The following MYCT1 variants were observed in gnomAD, a reference collection of about 807,000 sequenced individuals.
MYCT1 encodes the protein MYC target 1.
MYCT1 carries 12 observed loss-of-function variants against 15.0 expected under a neutral mutation model. The ratio of observed to expected loss-of-function variants is 0.80; its 90% CI spans 0.51 to 1.29. The LOEUF (loss-of-function observed/expected upper bound fraction) is 1.29, where lower values mean the gene tolerates loss of function less well. Ranked by LOEUF, MYCT1 falls within the 50% of genes most tolerant of loss-of-function variation. The pLI is 0.00. For missense variants in MYCT1, 287 were observed against 279.1 expected (o/e 1.03, Z -0.20); for synonymous variants, 104 against 102.7 (o/e 1.01, Z -0.07).
At chr6:152,743,068 G>A in the MYCT1 span, among the ~76,000 whole-genome samples, 2 of 151,974 alleles carry the variant, frequency 1.3e-5, no homozygotes, top group African/African-American at 2.4e-5. Flanking sequence ...TGTTGTTGTT[G>A]TTGTTTTGAC....
intron 1 of MYCT1, among the ~76,000 whole-genome samples, chr6:152,699,116 A>G (rs1033166204): frequency 1.3e-5 from 2 of 152,140 alleles, no homozygotes; most frequent in African/African-American, 4.8e-5. Context: ...GCTGTGATTC[A>G]AGGTGGGGTT....
In MYCT1 at chr6:152,721,815, C is replaced by T. The variant is rs961610745; in HGVS notation, c.270C>T (p.Phe90=). 14 of 1,614,026 alleles carry T rather than the reference C, an allele frequency of 8.7e-6. No individual in the cohort carries two copies. Among genetic ancestry groups the T allele is most frequent in the Non-Finnish European group, 1.2e-5 (14 of 1,180,002 alleles). The change falls in exon 2 of 2, where the codon TTC becomes TTT. Residue 90 remains phenylalanine, a synonymous_variant. Coordinates refer to ENST00000367245, the MANE Select transcript of MYCT1 (RefSeq NM_025107.3). ...TTGGAGGATTTATTTGGGCTGTGTTCATTTGTCTGTCTCGAAGAAGAAGAG... is the reference window on the plus strand; with the variant it reads ...TTGGAGGATTTATTTGGGCTGTGTTTATTTGTCTGTCTCGAAGAAGAAGAG... The part of the protein sequence containing the change: ...LVLGGFIWAV[F]ICLSRRRRAS...
chr6:152,740,622 C>A, the MYCT1 span, among the ~76,000 whole-genome samples: 27 of 152,174 alleles, frequency 1.8e-4, no homozygotes, highest in Admixed American at 1.3e-3. Flanking sequence ...TAGTTGACAC[C>A]ATTTCAGTAA....
At chr6:152,703,969 T>C (rs1165970092) in intron 1 of MYCT1, among the ~76,000 whole-genome samples, 1 of 135,552 alleles carries the variant, frequency 7.4e-6, no homozygotes, top group African/African-American at 2.7e-5. Flanking sequence ...TATTTTATTT[T>C]ATTTTATTTT....
At chr6:152,746,768 C>T in the MYCT1 span, among the ~76,000 whole-genome samples, 5 of 152,124 alleles carry the variant, frequency 3.3e-5, no homozygotes, top group South Asian at 2.1e-4. Flanking sequence ...TAATAAAGTT[C>T]GAATGACTTG....
chr6:152,735,566 T>G, the MYCT1 span, among the ~76,000 whole-genome samples: 355 of 152,256 alleles, frequency 2.3e-3, 5 homozygotes, highest in South Asian at 9.5e-3. Flanking sequence ...AATGCCTAAA[T>G]AGAGGTGAAG....
chr6:152,705,166 A>C (rs2099722047), intron 1 of MYCT1, among the ~76,000 whole-genome samples: 1 of 152,176 alleles, frequency 6.6e-6, no homozygotes, highest in South Asian at 2.1e-4. Context: ...TCAGGTTGAA[A>C]CTGTATTTAC....
chr6:152,702,363 T>C (rs1181372408), intron 1 of MYCT1, among the ~76,000 whole-genome samples: 1 of 152,150 alleles, frequency 6.6e-6, no homozygotes, highest in Non-Finnish European at 1.5e-5. Context: ...GCAGTAAAAA[T>C]GTTGGCTTTC....
At chr6:152,739,460 C>A in the MYCT1 span, among the ~76,000 whole-genome samples, 1 of 151,784 alleles carries the variant, frequency 6.6e-6, no homozygotes, top group Non-Finnish European at 1.5e-5. Context: ...TGATGTATCA[C>A]ATTGCCAGCA....
chr6:152,720,948 A>AT (rs1436431369), intron 1 of MYCT1, among the ~76,000 whole-genome samples: 1 of 152,190 alleles, frequency 6.6e-6, no homozygotes, highest in Non-Finnish European at 1.5e-5. Flanking sequence ...AGGAAAAGGC[A>AT]TTTTTCTCCC....
downstream of MYCT1, among the ~76,000 whole-genome samples, chr6:152,725,799 G>A (rs986725839): frequency 1.3e-5 from 2 of 152,110 alleles, no homozygotes; most frequent in Non-Finnish European, 1.5e-5. Flanking sequence ...GAAAAGTGGC[G>A]ATGAACTTGT....
chr6:152,746,701 C>A, the MYCT1 span, among the ~76,000 whole-genome samples: 1 of 152,278 alleles, frequency 6.6e-6, no homozygotes, highest in South Asian at 2.1e-4. Flanking sequence ...CCTGTGATTT[C>A]TCTATACCCT....
chr6:152,724,936 A>G (rs2099725376), downstream of MYCT1, among the ~76,000 whole-genome samples: 2 of 151,982 alleles, frequency 1.3e-5, no homozygotes, highest in Admixed American at 1.3e-4. Flanking sequence ...TTAGCTAAAT[A>G]CATAATTACA....
intron 1 of MYCT1, chr6:152,705,907 T>C: frequency 2.6e-6 from 2 of 756,394 alleles, no homozygotes; most frequent in Middle Eastern, 2.5e-4. Context: ...TCCTCAGAAG[T>C]TGGTTACGAT....
intron 1 of MYCT1, among the ~76,000 whole-genome samples, chr6:152,703,570 G>A (rs1372951333): frequency 6.7e-6 from 1 of 148,648 alleles, no homozygotes; most frequent in Non-Finnish European, 1.5e-5. Flanking sequence ...ACTTTAGTAT[G>A]CATATCATTA....
chr6:152,743,814 T>C, the MYCT1 span, among the ~76,000 whole-genome samples: 1 of 152,218 alleles, frequency 6.6e-6, no homozygotes. Flanking sequence ...CTGAAAATGA[T>C]GGTTTTATGA....
chr6:152,725,551 A>G (rs570596820), downstream of MYCT1, among the ~76,000 whole-genome samples: 3 of 152,324 alleles, frequency 2.0e-5, no homozygotes, highest in East Asian at 5.8e-4. Flanking sequence ...TTCCCAAAGC[A>G]CTGAGATCAC....
chr6:152,742,471 G>A, the MYCT1 span, among the ~76,000 whole-genome samples: 2 of 152,250 alleles, frequency 1.3e-5, no homozygotes, highest in South Asian at 2.1e-4. Flanking sequence ...TGAGAATAGC[G>A]TGATCCAGGC....
At chr6:152,725,678 G>C (rs920224226), downstream of MYCT1, among the ~76,000 whole-genome samples, 2 of 152,218 alleles carry the variant, frequency 1.3e-5, no homozygotes, top group African/African-American at 4.8e-5. Flanking sequence ...TGGTGGCAAG[G>C]TAAACTGGCA....
Sources: gnomAD v4.1 joint callset for allele counts (sites outside exome capture counted in the v4.1 genomes callset) on GRCh38, gnomAD v4.1.1 for gene constraint, MANE v1.5 for transcripts, NCBI Gene and HGNC (gene_info 2026-07-23, HGNC 2026-07-21) for gene names.